Variants in CLDN10 observed in about 807,000 individuals in gnomAD.
CLDN10 encodes claudin-10.
CLDN10 carries 15 observed loss-of-function variants against 22.9 expected under a neutral mutation model. The ratio of observed to expected loss-of-function variants is 0.65; its 90% CI spans 0.44 to 1.01. The LOEUF (loss-of-function observed/expected upper bound fraction) is 1.01. Ranked by LOEUF, CLDN10 falls within the 50% of genes least tolerant of loss-of-function variation. The pLI, the probability that CLDN10 is intolerant of heterozygous loss-of-function variation, is 0.00. For synonymous variants in CLDN10, 114 were observed against 111.4 expected (o/e 1.02, Z -0.15); for missense variants, 247 against 287.8 (o/e 0.86, Z 1.03).
chr13:95,555,486 T>G (rs1244742313), intron 1 of CLDN10, among the ~76,000 whole-genome samples: 2 of 152,200 alleles, frequency 1.3e-5, no homozygotes, highest in African/African-American at 4.8e-5. Flanking sequence ...TTCTGTTGTT[T>G]CTTTGTGGTT....
intron 1 of CLDN10, among the ~76,000 whole-genome samples, chr13:95,459,014 C>A (rs980597835): frequency 6.6e-6 from 1 of 152,188 alleles, no homozygotes; most frequent in African/African-American, 2.4e-5. Context: ...AGACCCCATG[C>A]AAGTCCAAAT....
intron 1 of CLDN10, among the ~76,000 whole-genome samples, chr13:95,518,011 G>C (rs1391944856): frequency 6.6e-6 from 1 of 151,570 alleles, no homozygotes; most frequent in Non-Finnish European, 1.5e-5. Context: ...AAGTTAGACA[G>C]GACATATTCC....
intron 1 of CLDN10, among the ~76,000 whole-genome samples, chr13:95,492,361 G>A (rs2042882391): frequency 6.6e-6 from 1 of 151,786 alleles, no homozygotes; most frequent in Non-Finnish European, 1.5e-5. Context: ...GGGGATGGGG[G>A]TGGGATTCCT....
chr13:95,572,288 T>C (rs1269033799), intron 3 of CLDN10, among the ~76,000 whole-genome samples: 1 of 152,194 alleles, frequency 6.6e-6, no homozygotes, highest in Non-Finnish European at 1.5e-5. Flanking sequence ...ATTGGGTTTT[T>C]TATAGTTATA....
chr13:95,536,573 T>G (rs2043402080), intron 1 of CLDN10, among the ~76,000 whole-genome samples: 1 of 152,220 alleles, frequency 6.6e-6, no homozygotes, highest in Non-Finnish European at 1.5e-5. Flanking sequence ...TAAAAATCAT[T>G]ACTTTGTAAT....
intron 3 of CLDN10, among the ~76,000 whole-genome samples, chr13:95,567,349 T>A (rs1351450497): frequency 6.6e-6 from 1 of 152,186 alleles, no homozygotes; most frequent in African/African-American, 2.4e-5. Context: ...CCCTTGTAAG[T>A]TGGATTCCTA....
At chr13:95,534,212 G>A (rs995844545) in intron 1 of CLDN10, among the ~76,000 whole-genome samples, 4 of 152,050 alleles carry the variant, frequency 2.6e-5, no homozygotes, top group South Asian at 2.1e-4. Context: ...TATGTAGAAG[G>A]TTACATATGA....
rs142204863 is a variant in CLDN10, at chr13:95,492,826, G to A, written c.214+58779G>A. On this transcript the variant is annotated intron_variant, in intron 1 of 4. Transcript: ENST00000376873. ...GGAATGGGCTGCTTGGGGACCCAACGAGCTCCCAGGACCTTTCTGCTGCTT... is the reference window on the plus strand; with the variant it reads ...GGAATGGGCTGCTTGGGGACCCAACAAGCTCCCAGGACCTTTCTGCTGCTT... 6.2e-3 allele frequency among the ~76,000 whole-genome samples: 947 copies of A among 152,236 alleles called. 13 individuals are homozygous for A. The highest frequency in any genetic ancestry group is 0.022 in the African/African-American group (909 of 41,546).
Position 95,491,596 on chromosome 13 carries a change from T to C in CLDN10, c.214+57549T>C, listed in dbSNP as rs151185779. 2.3e-3 allele frequency among the ~76,000 whole-genome samples: 352 copies of C among 152,274 alleles called. 1 individual carries two copies. Among genetic ancestry groups the C allele is most frequent in the African/African-American group, 7.8e-3 (325 of 41,546 alleles). ...GTATCATTTTCTGGATACTTTTGCATTGGGCTTCTCCTTTCTCTGGTCCCT... is the reference window on the plus strand; with the variant it reads ...GTATCATTTTCTGGATACTTTTGCACTGGGCTTCTCCTTTCTCTGGTCCCT... On this transcript the variant is annotated intron_variant, in intron 1 of 4. Transcript: ENST00000376873.
At chr13:95,478,658 T>G (rs2042708995) in intron 1 of CLDN10, among the ~76,000 whole-genome samples, 1 of 152,206 alleles carries the variant, frequency 6.6e-6, no homozygotes, top group Non-Finnish European at 1.5e-5. Context: ...TCCTCAGCGC[T>G]TCGTTGGTTC....
intron 1 of CLDN10, among the ~76,000 whole-genome samples, chr13:95,444,916 C>A (rs2042357977): frequency 6.6e-6 from 1 of 152,144 alleles, no homozygotes. Context: ...TGCCTCAGCA[C>A]AGATGTGCAT....
intron 1 of CLDN10, among the ~76,000 whole-genome samples, chr13:95,497,986 A>G (rs1324240519): frequency 1.3e-5 from 2 of 152,262 alleles, no homozygotes; most frequent in Admixed American, 6.5e-5. Context: ...GAGAAACAAT[A>G]CAAGATGATT....
chr13:95,503,820 G>T (rs1249502655), intron 1 of CLDN10, among the ~76,000 whole-genome samples: 1 of 152,180 alleles, frequency 6.6e-6, no homozygotes, highest in African/African-American at 2.4e-5. Flanking sequence ...AATGGTGGCT[G>T]CTAGGGAGAA....
At chr13:95,544,984 G>C (rs1186021731) in intron 1 of CLDN10, among the ~76,000 whole-genome samples, 1 of 151,386 alleles carries the variant, frequency 6.6e-6, no homozygotes, top group Non-Finnish European at 1.5e-5. Context: ...CACCGTGTTG[G>C]CCAAGCTGGT....
In CLDN10 at chr13:95,578,538, T is replaced by C. The variant is rs1367369599; in HGVS notation, c.*524T>C. ...ATTCTACAACATTTATTTAAAAAGG[T>C]AAATCTTTTTGTTGAAGCAGCAAGT... On this transcript the variant is annotated 3_prime_UTR_variant, in exon 5 of 5. Transcript: ENST00000299339. 1 of 152,208 alleles carries C rather than the reference T, an allele frequency of 6.6e-6. No homozygotes were observed. The highest frequency in any genetic ancestry group is 1.5e-5 in the Non-Finnish European group (1 of 68,058). 9.4% of individuals were successfully genotyped at this position (152,208 alleles called of 1,614,324 possible).
intron 1 of CLDN10, among the ~76,000 whole-genome samples, chr13:95,434,594 A>G (rs193289321): frequency 7.0e-6 from 1 of 143,732 alleles, no homozygotes; most frequent in East Asian, 1.9e-4. Context: ...TATATAACCC[A>G]CACAGGTATC....
At chr13:95,440,125 G>A (rs1594519356) in intron 1 of CLDN10, among the ~76,000 whole-genome samples, 1 of 151,628 alleles carries the variant, frequency 6.6e-6, no homozygotes, top group Admixed American at 6.6e-5. Context: ...TGTTGGCCAG[G>A]CTGGTCTCAA....
intron 1 of CLDN10, among the ~76,000 whole-genome samples, chr13:95,540,348 C>T (rs1307510429): frequency 6.9e-6 from 1 of 144,662 alleles, no homozygotes; most frequent in Non-Finnish European, 1.5e-5. Context: ...AAATATTAGC[C>T]TGGCATGGTG....
At chr13:95,462,938 A>G (rs4337171) in intron 1 of CLDN10, among the ~76,000 whole-genome samples, 45,514 of 152,026 alleles carry the variant, frequency 0.3, 8,386 homozygotes, top group Non-Finnish European at 0.41. Flanking sequence ...ACAAAAGAGT[A>G]ATGCCTAATT....
Sources: allele counts gnomAD v4.1 joint callset (sites outside exome capture counted in the v4.1 genomes callset), GRCh38; gene constraint gnomAD v4.1.1; transcripts MANE v1.5; gene names NCBI Gene and HGNC (gene_info 2026-07-23, HGNC 2026-07-21).